The following TRPM3 variants were observed in gnomAD, a reference collection of about 807,000 sequenced individuals.
The protein encoded by TRPM3 is long transient receptor potential channel 3.
A neutral mutation model predicts 181.2 loss-of-function variants in TRPM3; 77 were observed. The observed-to-expected ratio is 0.42, with a 90% confidence interval of 0.35 to 0.51. The LOEUF is 0.51. TRPM3 is among the 20% of genes least tolerant of loss of function. TRPM3 has a pLI of 0.01. For synonymous variants in TRPM3, 745 were observed against 796.4 expected, an observed-to-expected ratio of 0.94 and a Z score of 1.09; for missense variants, 1,759 against 2,196.7, an observed-to-expected ratio of 0.80 and a Z score of 3.98.
At chr9:71,041,568 T>C (rs750746226) in intron 1 of TRPM3, among the ~76,000 whole-genome samples, 1 of 152,096 alleles carries the variant, frequency 6.6e-6, no homozygotes, top group Non-Finnish European at 1.5e-5. Flanking sequence ...TCCAAATCGA[T>C]GCATAGAAAA....
At chr9:71,116,702 TA>T (rs1045417284) in intron 1 of TRPM3, among the ~76,000 whole-genome samples, 1 of 151,720 alleles carries the variant, frequency 6.6e-6, no homozygotes, top group Non-Finnish European at 1.5e-5. Flanking sequence ...AGAGAAAGGA[TA>T]AAAAATAAGA....
chr9:71,186,979 C>T (rs1170544975), intron 1 of TRPM3, among the ~76,000 whole-genome samples: 5 of 151,964 alleles, frequency 3.3e-5, no homozygotes, highest in Non-Finnish European at 7.4e-5. Flanking sequence ...GTGTATAATA[C>T]TTTATCATGT....
Position 71,346,750 on chromosome 9 carries a change from G to A in TRPM3, c.183+99903C>T, listed in dbSNP as rs139030510. ...GTCTTGGCTGAAACAGAAAAGCAAA[G>A]AGAGACAACCAGCAGCTGTGTACAG... On this transcript the variant is annotated intron_variant, in intron 1 of 24. Transcript: ENST00000357533. 2.6e-4 allele frequency among the ~76,000 whole-genome samples: 40 copies of A among 152,324 alleles called. 1 individual carries two copies. The East Asian group carries it at 7.3e-3, about 28-fold the overall frequency.
At position 71,034,615 on chromosome 9, in the gene TRPM3, G is replaced by A. The variant is rs117691255; in HGVS notation, c.177+86563C>T. Reference sequence around the variant, plus strand: ...GGCAGTGGTTTCCTTGAGCTGGCTCGATTCAGTTTGACAGCTGACTCTGTG... The same window carrying A: ...GGCAGTGGTTTCCTTGAGCTGGCTCAATTCAGTTTGACAGCTGACTCTGTG... On this transcript the variant is annotated intron_variant, in intron 1 of 25. Transcript: ENST00000677713. Among the ~76,000 whole-genome samples, 756 of 152,100 alleles carry A rather than the reference G, an allele frequency of 5.0e-3. 20 individuals are homozygous for A. In the East Asian group the frequency reaches 0.078, roughly 16 times the overall value.
intron 1 of TRPM3, among the ~76,000 whole-genome samples, chr9:71,358,293 G>T (rs1015831453): frequency 6.6e-6 from 1 of 152,076 alleles, no homozygotes; most frequent in African/African-American, 2.4e-5. Flanking sequence ...TCATTCATTA[G>T]TAGGGTTTAG....
chr9:71,099,549 C>T (rs962581397), intron 1 of TRPM3, among the ~76,000 whole-genome samples: 2 of 152,140 alleles, frequency 1.3e-5, no homozygotes, highest in African/African-American at 4.8e-5. Context: ...CCCCTCCTCT[C>T]TGTTGTGAGA....
intron 1 of TRPM3, among the ~76,000 whole-genome samples, chr9:71,346,073 T>G (rs2091274646): frequency 6.6e-6 from 1 of 152,206 alleles, no homozygotes; most frequent in Non-Finnish European, 1.5e-5. Context: ...TTAAAAGAAT[T>G]GTACAAGAAT....
At chr9:71,225,340 A>G (rs2309889) in intron 1 of TRPM3, among the ~76,000 whole-genome samples, 101,668 of 150,712 alleles carry the variant, frequency 0.67, 34,329 homozygotes, top group African/African-American at 0.69. Flanking sequence ...AGTGGTGAAG[A>G]AAAAAAAAGA....
At chr9:70,853,965 T>C (rs1293163500) in intron 3 of TRPM3, among the ~76,000 whole-genome samples, 2 of 152,216 alleles carry the variant, frequency 1.3e-5, no homozygotes, top group African/African-American at 2.4e-5. Flanking sequence ...TTTCAAATGA[T>C]ATTCCTATGC....
chr9:71,145,721 T>C (rs2075367786), intron 1 of TRPM3, among the ~76,000 whole-genome samples: 1 of 152,134 alleles, frequency 6.6e-6, no homozygotes, highest in Admixed American at 6.6e-5. Flanking sequence ...GAAGGAAACA[T>C]GTCTGAAAAC....
chr9:71,215,033 C>CAAAAAAAAAAAAAAAAAAA (rs67349189), intron 1 of TRPM3, among the ~76,000 whole-genome samples: 2 of 105,818 alleles, frequency 1.9e-5, no homozygotes, highest in Non-Finnish European at 3.9e-5. Context: ...CACCAAAAAA[C>CAAAAAAAAAAAAAAAAAAA]AAAAAAAAAA....
intron 1 of TRPM3, among the ~76,000 whole-genome samples, chr9:71,304,816 T>C (rs916537845): frequency 5.3e-5 from 8 of 152,204 alleles, no homozygotes; most frequent in Non-Finnish European, 1.0e-4. Flanking sequence ...GAACAGATTA[T>C]GTTTTACTGG....
In TRPM3 at chr9:70,832,465, T is replaced by G. The variant is rs74660682; in HGVS notation, c.802-4447A>C. On this transcript the variant is annotated intron_variant, in intron 5 of 25. Coordinates refer to ENST00000677713, the MANE Select transcript of TRPM3 (RefSeq NM_001366145.2). ...GAGAATTCTTGCCTCATTAATCCAT[T>G]GTACACCTTTTAATACTGGCTGACT... 9.9e-3 allele frequency among the ~76,000 whole-genome samples: 1,511 copies of G among 152,226 alleles called. 32 individuals carry two copies. Among genetic ancestry groups the G allele is most frequent in the African/African-American group, 0.035 (1,444 of 41,530 alleles).
intron 22 of TRPM3, among the ~76,000 whole-genome samples, chr9:70,583,111 G>C (rs1283645521): frequency 1.3e-5 from 2 of 152,170 alleles, no homozygotes; most frequent in Non-Finnish European, 2.9e-5. Flanking sequence ...AATAGCCCTT[G>C]AGTTTCTCTG....
chr9:71,291,456 T>C (rs2085803252), intron 1 of TRPM3, among the ~76,000 whole-genome samples: 1 of 152,278 alleles, frequency 6.6e-6, no homozygotes, highest in South Asian at 2.1e-4. Flanking sequence ...ATTCATGAAT[T>C]GCTCATAAAA....
chr9:71,058,065 AG>A (rs2133289713), intron 1 of TRPM3, among the ~76,000 whole-genome samples: 1 of 152,172 alleles, frequency 6.6e-6, no homozygotes, highest in African/African-American at 2.4e-5. Flanking sequence ...TCCCTGTAAA[AG>A]AATGCACTAG....
At position 70,659,668 on chromosome 9, in the gene TRPM3, GT is replaced by G. The variant is rs539716351; in HGVS notation, c.1346-19009del. On this transcript the variant is annotated intron_variant, in intron 9 of 25. Coordinates refer to ENST00000677713, the MANE Select transcript of TRPM3 (RefSeq NM_001366145.2). Reference sequence around the variant, plus strand: ...TTGTTAGATTCTAGTCTTGTCTAATGTTTTTCAATTTTTATTATTTTCTACA... The same window carrying G: ...TTGTTAGATTCTAGTCTTGTCTAATGTTTTCAATTTTTATTATTTTCTACA... 2.2e-4 allele frequency among the ~76,000 whole-genome samples: 34 copies of G among 152,162 alleles called. 1 individual carries two copies. The South Asian group carries it at 6.8e-3, about 31-fold the overall frequency.
chr9:71,179,302 G>T (rs2077269070), intron 1 of TRPM3, among the ~76,000 whole-genome samples: 1 of 152,084 alleles, frequency 6.6e-6, no homozygotes, highest in Non-Finnish European at 1.5e-5. Context: ...ATTAAAACGG[G>T]CAGGGAAAAG....
At chr9:71,370,864 G>T (rs554450555) in intron 1 of TRPM3, among the ~76,000 whole-genome samples, 1 of 152,286 alleles carries the variant, frequency 6.6e-6, no homozygotes, top group Non-Finnish European at 1.5e-5. Flanking sequence ...GCTGACTCTT[G>T]TTAGGGGCTC....
Sources: allele counts gnomAD v4.1 joint callset (sites outside exome capture counted in the v4.1 genomes callset), GRCh38; gene constraint gnomAD v4.1.1; transcripts MANE v1.5; gene names NCBI Gene and HGNC (gene_info 2026-07-23, HGNC 2026-07-21).